The following CCNY variants were observed in gnomAD, a reference collection of about 807,000 sequenced individuals.
CCNY encodes the protein cyclin Y, also known as cyclin-Y.
Under a neutral mutation model 42.8 loss-of-function variants are expected in CCNY, and 19 were observed. The observed-to-expected ratio is 0.44, with a 90% CI of 0.31 to 0.65. The LOEUF (loss-of-function observed/expected upper bound fraction) is 0.65, where lower values mean the gene tolerates loss of function less well. Ranked by LOEUF, CCNY falls within the 30% of genes least tolerant of loss-of-function variation. CCNY has a pLI of 0.07. For synonymous variants in CCNY, 165 were observed against 162.7 expected (o/e 1.01, Z -0.11); for missense variants, 370 against 437.3 (o/e 0.85, Z 1.37).
chr10:35,365,122 A>G (rs377740850), intron 1 of CCNY, among the ~76,000 whole-genome samples: 1 of 152,242 alleles, frequency 6.6e-6, no homozygotes, highest in Non-Finnish European at 1.5e-5. Context: ...TCCTGTCTCA[A>G]ACTTAATCTG....
At chr10:35,512,916 T>G (rs1435125922) in intron 3 of CCNY, among the ~76,000 whole-genome samples, 2 of 152,150 alleles carry the variant, frequency 1.3e-5, no homozygotes. Context: ...TTCCTCCTCC[T>G]CATCATCCTG....
intron 7 of CCNY, among the ~76,000 whole-genome samples, chr10:35,549,142 G>A (rs1009298052): frequency 1.9e-5 from 2 of 103,642 alleles, no homozygotes; most frequent in African/African-American, 7.8e-5. Flanking sequence ...CCCTTCTCTC[G>A]AAGAGGCAGA....
intron 1 of CCNY, among the ~76,000 whole-genome samples, chr10:35,398,339 A>G (rs1041926607): frequency 7.2e-5 from 11 of 152,382 alleles, no homozygotes; most frequent in Admixed American, 5.9e-4. Flanking sequence ...CTTGGTGGAC[A>G]TGATATAGAT....
intron 3 of CCNY, among the ~76,000 whole-genome samples, chr10:35,265,195 A>G (rs528117767): frequency 7.0e-4 from 107 of 152,338 alleles, no homozygotes; most frequent in African/African-American, 2.2e-3. Context: ...GCCTACAATG[A>G]AAATCTTCAC....
chr10:35,354,638 G>A (rs1339141574), intron 1 of CCNY, among the ~76,000 whole-genome samples: 1 of 152,148 alleles, frequency 6.6e-6, no homozygotes, highest in Non-Finnish European at 1.5e-5. Context: ...TGCTGCCCAC[G>A]ACAAACATGG....
chr10:35,407,079 A>G (rs1837796048), intron 1 of CCNY, among the ~76,000 whole-genome samples: 1 of 152,208 alleles, frequency 6.6e-6, no homozygotes, highest in Non-Finnish European at 1.5e-5. Context: ...AAAAGAACCT[A>G]AATGCTAACT....
chr10:35,366,235 G>C (rs1340550329), intron 1 of CCNY, among the ~76,000 whole-genome samples: 1 of 152,198 alleles, frequency 6.6e-6, no homozygotes, highest in Non-Finnish European at 1.5e-5. Flanking sequence ...TGATGAGATG[G>C]TGGCAATCAT....
chr10:35,498,431 G>A (rs965481207), intron 2 of CCNY, among the ~76,000 whole-genome samples: 2 of 152,136 alleles, frequency 1.3e-5, no homozygotes, highest in African/African-American at 4.8e-5. Context: ...GGCCCTTTAA[G>A]GATGGCTGTC....
chr10:35,317,392 G>T (rs754208809), intron 3 of CCNY, among the ~76,000 whole-genome samples: 1 of 152,226 alleles, frequency 6.6e-6, no homozygotes, highest in Non-Finnish European at 1.5e-5. Context: ...TGCTGGTGAT[G>T]TTGTGGCTTT....
chr10:35,484,698 C>G (rs1182232243), intron 2 of CCNY, among the ~76,000 whole-genome samples: 1 of 151,970 alleles, frequency 6.6e-6, no homozygotes, highest in East Asian at 1.9e-4. Context: ...AAAAGAGGGT[C>G]AAAACCAAGT....
In CCNY at chr10:35,319,194, A is replaced by T. The variant is rs151027802; in HGVS notation, c.-9+68568A>T. Among the ~76,000 whole-genome samples the T allele has an allele frequency of 2.0e-5, 3 of 152,286 alleles. No homozygotes were observed. In the East Asian group the frequency reaches 5.8e-4, roughly 29 times the overall value. ...TGCCCAGAACTCTTGGGTTCAAGCA[A>T]GCCACCTCAACTGGCTAATACATAT... On this transcript the variant is annotated intron_variant, in intron 3 of 11. Transcript: ENST00000374706.
At chr10:35,460,057 C>G (rs1839123677) in intron 1 of CCNY, among the ~76,000 whole-genome samples, 1 of 152,174 alleles carries the variant, frequency 6.6e-6, no homozygotes. Flanking sequence ...AGTGGAATAG[C>G]AGGGGATGTT....
At chr10:35,397,095 G>A (rs1015357795) in intron 1 of CCNY, among the ~76,000 whole-genome samples, 4 of 152,164 alleles carry the variant, frequency 2.6e-5, no homozygotes, top group Non-Finnish European at 4.4e-5. Flanking sequence ...TTCTTCCTAG[G>A]GCTGGGGTCC....
At chr10:35,260,920 C>T (rs1016145489) in intron 3 of CCNY, among the ~76,000 whole-genome samples, 5 of 152,076 alleles carry the variant, frequency 3.3e-5, no homozygotes, top group South Asian at 2.1e-4. Flanking sequence ...AAACCAGCCA[C>T]GGCAACCTTG....
intron 1 of CCNY, among the ~76,000 whole-genome samples, chr10:35,356,718 C>T (rs1158404109): frequency 1.3e-5 from 2 of 152,206 alleles, no homozygotes; most frequent in Admixed American, 6.5e-5. Flanking sequence ...GTAGTTGCAA[C>T]GATTGCTGGG....
intron 3 of CCNY, among the ~76,000 whole-genome samples, chr10:35,325,702 C>T (rs534823639): frequency 1.3e-5 from 2 of 152,196 alleles, no homozygotes; most frequent in East Asian, 3.9e-4. Context: ...CTCCCTATCT[C>T]AGGTGATCCA....
rs1179109855 is a variant in CCNY at position 35,314,012 on chromosome 10, GTTA to G, written c.-9+63389_-9+63391del. Among the ~76,000 whole-genome samples, 4 of 150,168 alleles carry G rather than the reference GTTA, an allele frequency of 2.7e-5. No homozygotes were observed. The East Asian group carries it at 7.8e-4, about 29-fold the overall frequency. On this transcript the variant is annotated intron_variant, in intron 3 of 11. Transcript: ENST00000374706. ...AAAAAAAAAAAAAAGTAAAATACTG[GTTA>G]TTTTTTGTGGGGCTGGAAACATTTA...
At chr10:35,264,314 G>A (rs552937240) in intron 3 of CCNY, among the ~76,000 whole-genome samples, 1 of 152,186 alleles carries the variant, frequency 6.6e-6, no homozygotes, top group Non-Finnish European at 1.5e-5. Context: ...GTATACATGT[G>A]CCATGTTGGT....
At chr10:35,405,153 A>G (rs1434815475) in intron 1 of CCNY, among the ~76,000 whole-genome samples, 1 of 152,200 alleles carries the variant, frequency 6.6e-6, no homozygotes, top group East Asian at 1.9e-4. Context: ...TTGGACAGGT[A>G]AAACAGGGGA....
Sources: allele counts gnomAD v4.1 joint callset (sites outside exome capture counted in the v4.1 genomes callset), GRCh38; gene constraint gnomAD v4.1.1; transcripts MANE v1.5; gene names NCBI Gene and HGNC (gene_info 2026-07-23, HGNC 2026-07-21).